Variants in CLN3 observed in about 807,000 individuals in gnomAD.
The protein encoded by CLN3 is battenin.
A neutral mutation model predicts 60.7 loss-of-function variants in CLN3; 49 were observed. The ratio of observed to expected loss-of-function variants is 0.81; its 90% CI spans 0.64 to 1.02. The LOEUF is 1.02. CLN3 is among the 50% of genes least tolerant of loss of function. The probability of loss-of-function intolerance (pLI) is 0.00; values close to 1 mark genes in which losing one functional copy is unlikely to be tolerated. For missense variants in CLN3, 516 were observed against 557.4 expected (o/e 0.93, Z 0.75); for synonymous variants, 256 against 245.8 (o/e 1.04, Z -0.39).
Position 28,489,372 on chromosome 16 carries a change from C to T in CLN3, c.140G>A (p.Cys47Tyr). 6.2e-7 allele frequency: 1 copy of T among 1,612,046 alleles called. No homozygotes were observed. Among genetic ancestry groups the T allele is most frequent in the African/African-American group, 1.3e-5 (1 of 74,990 alleles). Reference sequence around the variant, plus strand: ...CATCACCACATAAGAGAAGTTGTTGCAAAGGCCCAGCAGCCTGGAAGGAGC... The same window carrying T: ...CATCACCACATAAGAGAAGTTGTTGTAAAGGCCCAGCAGCCTGGAAGGAGC... ...NAVGFWLLGL[C>Y]NNFSYVVMLS... Residue 47 changes from cysteine (C) to tyrosine (Y), a missense_variant, in exon 4 of 16, where the codon TGC (cysteine) becomes TAC (tyrosine). Physicochemically the swap from Cys to Tyr is radical, Grantham distance 194. Coordinates refer to ENST00000636147, the MANE Select transcript of CLN3 (RefSeq NM_001042432.2).
intron 5 of CLN3, 61 bp from the exon 6 acceptor site, chr16:28,487,802 T>C: frequency 3.5e-6 from 5 of 1,416,484 alleles, no homozygotes; most frequent in Non-Finnish European, 4.9e-6. Flanking sequence ...CCCAACCACG[T>C]GGCCAAGGAG....
downstream of CLN3, chr16:28,469,830 C>G (rs1335271390): frequency 3.3e-6 from 1 of 307,368 alleles, no homozygotes; most frequent in Non-Finnish European, 6.3e-6. Flanking sequence ...ACTAAAAATA[C>G]AAAAATTAGC....
intron 7 of CLN3, chr16:28,487,036 G>A (rs557520066): frequency 4.5e-5 from 16 of 357,356 alleles, no homozygotes; most frequent in South Asian, 2.7e-4. Flanking sequence ...TCAGCCTCCC[G>A]AGTAGCTGGG....
intron 14 of CLN3, among the ~76,000 whole-genome samples, chr16:28,479,075 A>C (rs1596553207): frequency 6.6e-6 from 1 of 151,644 alleles, no homozygotes; most frequent in Non-Finnish European, 1.5e-5. Flanking sequence ...TGTAGGTCCC[A>C]CCTCTGTGCC....
rs1596618820 is a variant in CLN3, at chr16:28,477,355, C to G, written c.*161G>C. 8.9e-6 allele frequency: 8 copies of G among 894,900 alleles called. No individual in the cohort carries two copies. The highest frequency in any genetic ancestry group is 3.5e-6 in the Non-Finnish European group (2 of 569,724). 55.4% of individuals were successfully genotyped at this position (894,900 alleles called of 1,614,324 possible). A position where few individuals can be genotyped will look rare whatever the true frequency, so the allele number is the denominator to read the frequency against. ...TCCCCAAGTGGGAGACAATGGCTGG[C>G]CCCCCTGCAAGGGAAACAAGGCTTC... On this transcript the variant is annotated 3_prime_UTR_variant, in exon 16 of 16. Transcript: ENST00000636147.
At chr16:28,485,289 G>A (rs1252116524) in intron 9 of CLN3, among the ~76,000 whole-genome samples, 7 of 149,432 alleles carry the variant, frequency 4.7e-5, no homozygotes, top group East Asian at 2.0e-4. Context: ...TAATCAGGCC[G>A]GGCGCGGTGG....
intron 9 of CLN3, among the ~76,000 whole-genome samples, chr16:28,485,373 C>A (rs2046190238): frequency 6.7e-6 from 1 of 150,324 alleles, no homozygotes; most frequent in Admixed American, 6.6e-5. Context: ...TTGAGACCAG[C>A]CTGGCCAATA....
At chr16:28,488,549 G>A (rs757216174) in intron 5 of CLN3, 42 bp downstream of exon 5, 19 of 1,588,096 alleles carry the variant, frequency 1.2e-5, no homozygotes, top group Non-Finnish European at 1.4e-5. Context: ...ATAGACCCAG[G>A]GGCCCTGGGT....
chr16:28,487,771 G>A (rs1460105602), intron 5 of CLN3, 30 bp from the exon 6 acceptor site: 2 of 1,578,840 alleles, frequency 1.3e-6, no homozygotes, highest in Non-Finnish European at 1.7e-6. Context: ...TGAGACCGCA[G>A]AGCTTCCAGG....
downstream of CLN3, among the ~76,000 whole-genome samples, chr16:28,472,485 A>T (rs2045957931): frequency 6.6e-6 from 1 of 152,176 alleles, no homozygotes; most frequent in Non-Finnish European, 1.5e-5. Flanking sequence ...ACCTGCAAAA[A>T]AGTTAATTCA....
chr16:28,477,456 T>C lies in CLN3; in HGVS notation c.*60A>G. On this transcript the variant is annotated 3_prime_UTR_variant, in exon 16 of 16. Coordinates refer to ENST00000636147, the MANE Select transcript of CLN3 (RefSeq NM_001042432.2). ...GGAGGGTCTCTGGGGTGGGCCTGGG[T>C]GTCTGACCTGTCCCTCTGCCCACAG... is the stretch of plus-strand genomic sequence containing the variant. The C allele has an allele frequency of 1.2e-6, 2 of 1,608,640 alleles. No individual in the cohort carries two copies. Among genetic ancestry groups the C allele is most frequent in the Non-Finnish European group, 1.7e-6 (2 of 1,178,194 alleles).
Position 28,491,765 on chromosome 16 carries a change from C to G in CLN3, c.-6G>C, listed in dbSNP as rs776594074. On this transcript the variant is annotated 5_prime_UTR_variant, in exon 2 of 16. Transcript: ENST00000636147. ...GAGCCTGCACAGCCTCCCATCGCAT[C>G]AAGTTCAGGTCCCCCGAGGGTCCAG... 1.4e-5 allele frequency: 22 copies of G among 1,613,782 alleles called. No individual in the cohort carries two copies. Among genetic ancestry groups the G allele is most frequent in the Non-Finnish European group, 1.9e-5 (22 of 1,180,028 alleles).
intron 5 of CLN3, 168 bp from the exon 6 acceptor site, chr16:28,487,909 G>A: frequency 1.5e-6 from 1 of 653,790 alleles, no homozygotes; most frequent in South Asian, 1.7e-5. Context: ...TTAGTTGTGT[G>A]TCAAGAGTTT....
At chr16:28,484,260 A>G (rs965869923) in intron 9 of CLN3, 142 bp from the exon 10 acceptor site, 1 of 703,386 alleles carries the variant, frequency 1.4e-6, no homozygotes, top group East Asian at 2.7e-5. Context: ...TAAGGCTCCT[A>G]CGCTGTGCGG....
intron 11 of CLN3, 31 bp from the exon 12 acceptor site, chr16:28,482,576 C>T: frequency 1.9e-6 from 3 of 1,614,064 alleles, no homozygotes; most frequent in Non-Finnish European, 2.5e-6. Flanking sequence ...AAGCGGGGGG[C>T]CTGGAGGTGA....
intron 5 of CLN3, 63 bp from the exon 6 acceptor site, chr16:28,487,804 G>T: frequency 7.3e-7 from 1 of 1,371,362 alleles, no homozygotes; most frequent in Non-Finnish European, 1.0e-6. Context: ...CAACCACGTG[G>T]CCAAGGAGAG....
At chr16:28,489,570 G>C (rs372163695) in intron 3 of CLN3, among the ~76,000 whole-genome samples, 184 bp from the exon 4 acceptor site, 4 of 152,032 alleles carry the variant, frequency 2.6e-5, no homozygotes, top group African/African-American at 7.2e-5. Flanking sequence ...GGGCAAGATA[G>C]TGAGACCCCC....
At chr16:28,472,943 T>C (rs1391381209), downstream of CLN3, among the ~76,000 whole-genome samples, 1 of 145,428 alleles carries the variant, frequency 6.9e-6, no homozygotes, top group Non-Finnish European at 1.5e-5. Context: ...CGCCCCTCTT[T>C]GTTTGTTTTT....
At position 28,489,349 on chromosome 16, in the gene CLN3, T is replaced by C. The variant is rs760481173; in HGVS notation, c.163A>G (p.Met55Val). The change falls in exon 4 of 16, where the codon ATG becomes GTG. Residue 55 changes from methionine to valine, a missense_variant. Coordinates refer to ENST00000636147, the MANE Select transcript of CLN3 (RefSeq NM_001042432.2). ...AGGATGTCGTGGGCGGCACTCAGCATCACCACATAAGAGAAGTTGTTGCAA... is the reference window on the plus strand; with the variant it reads ...AGGATGTCGTGGGCGGCACTCAGCACCACCACATAAGAGAAGTTGTTGCAA... ...GLCNNFSYVV[M>V]LSAAHDILSH... is the part of the protein sequence containing the mutation. 6.2e-7 allele frequency: 1 copy of C among 1,613,480 alleles called. No homozygotes were observed. The highest frequency in any genetic ancestry group is 1.1e-5 in the South Asian group (1 of 90,880).
Sources: gnomAD v4.1 joint callset for allele counts (sites outside exome capture counted in the v4.1 genomes callset) on GRCh38, gnomAD v4.1.1 for gene constraint, MANE v1.5 for transcripts, NCBI Gene and HGNC (gene_info 2026-07-23, HGNC 2026-07-21) for gene names.